The following DNAH11 variants were observed in gnomAD, a reference collection of about 807,000 sequenced individuals.
DNAH11 encodes dynein axonemal heavy chain 11.
In DNAH11, 442 loss-of-function variants were observed where a neutral mutation model predicts 526.0. The observed-to-expected ratio is 0.84, with a 90% CI of 0.78 to 0.91. The LOEUF (loss-of-function observed/expected upper bound fraction) is 0.91. Ranked by LOEUF, DNAH11 falls within the 40% of genes least tolerant of loss-of-function variation. DNAH11 has a pLI of 0.00. For synonymous variants in DNAH11, 2,461 were observed against 1,935.9 expected, an observed-to-expected ratio of 1.27 and a Z score of -7.12; for missense variants, 6,989 against 5,448.7, an observed-to-expected ratio of 1.28 and a Z score of -8.90.
chr7:21,793,007 A>G (rs993912250), intron 61 of DNAH11, among the ~76,000 whole-genome samples: 3 of 152,020 alleles, frequency 2.0e-5, no homozygotes, highest in Non-Finnish European at 4.4e-5. Flanking sequence ...TAGGCATTTG[A>G]TGTATTGCTG....
chr7:21,879,782 G>A (rs2128041785), intron 74 of DNAH11, among the ~76,000 whole-genome samples: 1 of 152,200 alleles, frequency 6.6e-6, no homozygotes, highest in Admixed American at 6.5e-5. Flanking sequence ...ATCATTTCTA[G>A]CCATAGAAAA....
intron 47 of DNAH11, 31 bp from the exon 48 acceptor site, chr7:21,739,540 T>G: frequency 3.2e-6 from 5 of 1,583,468 alleles, no homozygotes; most frequent in Non-Finnish European, 4.3e-6. Context: ...CTCCAGTTTT[T>G]GGATTTAAGG....
At chr7:21,730,340 G>A (rs534262129) in intron 45 of DNAH11, among the ~76,000 whole-genome samples, 2 of 152,328 alleles carry the variant, frequency 1.3e-5, no homozygotes, top group Admixed American at 6.5e-5. Flanking sequence ...TAAAAACTTG[G>A]AGGACTGGCA....
intron 43 of DNAH11, among the ~76,000 whole-genome samples, chr7:21,719,608 A>G (rs1784799823): frequency 6.6e-6 from 1 of 152,210 alleles, no homozygotes; most frequent in South Asian, 2.1e-4. Context: ...CAAATTGGTG[A>G]GTTTTTTTCT....
intron 68 of DNAH11, 65 bp from the exon 69 acceptor site, chr7:21,861,788 A>T (rs144553224): frequency 4.4e-6 from 7 of 1,587,752 alleles, no homozygotes; most frequent in African/African-American, 4.1e-5. Context: ...TGCCCTGTGT[A>T]TCGGGGGTAG....
intron 55 of DNAH11, among the ~76,000 whole-genome samples, chr7:21,768,260 G>T (rs1042102999): frequency 6.6e-6 from 1 of 152,212 alleles, no homozygotes; most frequent in Non-Finnish European, 1.5e-5. Flanking sequence ...GTGTTGGAAA[G>T]GCTGTGAGAA....
At position 21,745,025 on chromosome 7, in the gene DNAH11, C is replaced by T; in HGVS notation, c.8472C>T (p.Ala2824=). The change falls in exon 51 of 82, where the codon GCC becomes GCT. Residue 2824 remains alanine, a synonymous_variant. Transcript: ENST00000409508. ...TLDNYNELNA[A]MHLVLFEDAM... Reference sequence around the variant, plus strand: ...ACAACTACAATGAACTAAATGCTGCCATGCACCTAGTTTTGTTTGAAGATG... The same window carrying T: ...ACAACTACAATGAACTAAATGCTGCTATGCACCTAGTTTTGTTTGAAGATG... 1.2e-6 allele frequency: 2 copies of T among 1,609,746 alleles called. No homozygotes were observed. The highest frequency in any genetic ancestry group is 1.7e-6 in the Non-Finnish European group (2 of 1,177,998).
intron 30 of DNAH11, among the ~76,000 whole-genome samples, chr7:21,678,224 G>A (rs1583586514): frequency 1.3e-5 from 2 of 150,472 alleles, no homozygotes; most frequent in Non-Finnish European, 3.0e-5. Flanking sequence ...TTAAGTCTTT[G>A]ATTCATTTTG....
intron 66 of DNAH11, chr7:21,851,736 T>C (rs1374898586): frequency 4.4e-6 from 2 of 459,764 alleles, no homozygotes; most frequent in Non-Finnish European, 9.0e-6. Context: ...CGAGAAGCTG[T>C]GATTCTCTGT....
chr7:21,726,860 C>CAAAA lies in DNAH11; in HGVS notation c.7440+904_7440+907dup, dbSNP rs1166791175. On this transcript the variant is annotated intron_variant, in intron 45 of 81. Coordinates refer to ENST00000409508, the MANE Select transcript of DNAH11 (RefSeq NM_001277115.2). ...TGGGCGACAGAGCAAGACTCTGTCT[C>CAAAA]AAAAAAAAAAAAAAAAAAAAAAAAA... 1.7e-3 allele frequency among the ~76,000 whole-genome samples: 23 copies of CAAAA among 13,814 alleles called. 4 individuals are homozygous for CAAAA. Among genetic ancestry groups the CAAAA allele is most frequent in the Non-Finnish European group, 2.1e-3 (20 of 9,510 alleles). 9.1% of individuals were successfully genotyped at this position (13,814 alleles called of 152,430 possible).
intron 28 of DNAH11, among the ~76,000 whole-genome samples, chr7:21,649,468 A>C (rs974424600): frequency 1.3e-5 from 2 of 152,208 alleles, no homozygotes; most frequent in Admixed American, 6.5e-5. Flanking sequence ...TAGCAATAAA[A>C]ATGAAGAAAA....
Position 21,636,104 on chromosome 7 carries a change from A to G in DNAH11, c.4725+9A>G, listed in dbSNP as rs772235487. 3 of 1,600,602 alleles carry G rather than the reference A, an allele frequency of 1.9e-6. No homozygotes were observed. The highest frequency in any genetic ancestry group is 1.7e-4 in the Middle Eastern group (1 of 6,044). On this transcript the variant is annotated intron_variant, in intron 26 of 81. Transcript: ENST00000409508. ...TGGATGCTGAATTTAAGGTTTGTCA[A>G]AGACAGGCTGTATGCTATTCTAGCA...
At chr7:21,900,970 C>G in intron 81 of DNAH11, 37 bp from the exon 82 acceptor site, 1 of 1,530,602 alleles carries the variant, frequency 6.5e-7, no homozygotes, top group Non-Finnish European at 8.8e-7. Context: ...TAGTAGCAAG[C>G]TGCCACACAA....
chr7:21,552,326 A>G (rs1256961742), intron 2 of DNAH11, among the ~76,000 whole-genome samples: 1 of 152,164 alleles, frequency 6.6e-6, no homozygotes, highest in Admixed American at 6.5e-5. Flanking sequence ...GCATGAGTTA[A>G]TTTATTACAT....
chr7:21,711,580 T>G, intron 41 of DNAH11, 132 bp from the exon 42 acceptor site: 1 of 1,296,230 alleles, frequency 7.7e-7, no homozygotes, highest in Non-Finnish European at 1.0e-6. Context: ...AGATCTTTAT[T>G]CAGACTGCAC....
chr7:21,675,689 A>G (rs2128470618), intron 30 of DNAH11, among the ~76,000 whole-genome samples: 1 of 152,280 alleles, frequency 6.6e-6, no homozygotes, highest in African/African-American at 2.4e-5. Flanking sequence ...ATCAGTTCCT[A>G]CAGCGAGTGT....
rs13225812 is a variant in DNAH11, at chr7:21,863,085, A to G, written c.11373+1062A>G. ...TCTCAAAAAAAAAAAAAAAAGAAAA[A>G]GAAAAGAAAAAGCGTTCGTGATAAG... On this transcript the variant is annotated intron_variant, in intron 69 of 81. Coordinates refer to ENST00000409508, the MANE Select transcript of DNAH11 (RefSeq NM_001277115.2). Among the ~76,000 whole-genome samples, 6 of 149,526 alleles carry G rather than the reference A, an allele frequency of 4.0e-5. No homozygotes were observed. In the East Asian group the frequency reaches 7.8e-4, roughly 19 times the overall value.
intron 30 of DNAH11, among the ~76,000 whole-genome samples, chr7:21,678,722 ATT>A (rs901129605): frequency 4.7e-4 from 72 of 151,924 alleles, no homozygotes; most frequent in African/African-American, 1.6e-3. Flanking sequence ...TGTGTCTTTA[ATT>A]TTTTTCCTTG....
rs72657307 is a variant in DNAH11 at position 21,615,035 on chromosome 7, G to A, written c.3853-79G>A. On this transcript the variant is annotated intron_variant, in intron 20 of 81. Transcript: ENST00000409508. ...GTTAAAAATCAAAGATTGAAATGTC[G>A]AGATAACCAGAGCTACAGAACTGCA... The A allele has an allele frequency of 7.3e-6, 10 of 1,375,766 alleles. No individual in the cohort carries two copies. In the East Asian group the frequency reaches 1.0e-4, roughly 14 times the overall value. 85.2% of individuals were successfully genotyped at this position (1,375,766 alleles called of 1,614,324 possible).
Sources: gnomAD v4.1 joint callset for allele counts (sites outside exome capture counted in the v4.1 genomes callset) on GRCh38, gnomAD v4.1.1 for gene constraint, MANE v1.5 for transcripts, NCBI Gene and HGNC (gene_info 2026-07-23, HGNC 2026-07-21) for gene names.